TMEM135: variants seen among roughly 807,000 people sequenced by gnomAD.
TMEM135 encodes transmembrane protein 135.
A neutral mutation model predicts 60.3 loss-of-function variants in TMEM135; 30 were observed. The ratio of observed to expected loss-of-function variants is 0.50; its 90% confidence interval spans 0.37 to 0.68. The LOEUF (loss-of-function observed/expected upper bound fraction) is 0.68. Ranked by LOEUF, TMEM135 falls within the 30% of genes least tolerant of loss-of-function variation. The pLI, the probability that TMEM135 is intolerant of heterozygous loss-of-function variation, is 0.00. For synonymous variants in TMEM135, 190 were observed against 186.7 expected (o/e 1.02, Z -0.14); for missense variants, 468 against 548.8 (o/e 0.85, Z 1.47).
At chr11:87,214,475 ATCTT>A (rs1940454189) in intron 5 of TMEM135, among the ~76,000 whole-genome samples, 1 of 152,184 alleles carries the variant, frequency 6.6e-6, no homozygotes, top group Non-Finnish European at 1.5e-5. Context: ...GGGAAGTTAC[ATCTT>A]TTTAGGCTGT....
chr11:87,248,366 A>G (rs1227230944), intron 6 of TMEM135, among the ~76,000 whole-genome samples: 2 of 152,110 alleles, frequency 1.3e-5, no homozygotes, highest in Non-Finnish European at 2.9e-5. Flanking sequence ...AGCATTTGTT[A>G]TTGCTTGTCT....
intron 3 of TMEM135, among the ~76,000 whole-genome samples, chr11:87,086,957 C>T (rs2512381): frequency 0.55 from 82,941 of 151,914 alleles, 23,405 homozygotes; most frequent in East Asian, 0.7. Flanking sequence ...AGGTTAAGGA[C>T]GATGACCAGT....
Position 87,321,133 on chromosome 11 carries a change from A to G in TMEM135, c.1245-68A>G, listed in dbSNP as rs1297947858. On this transcript the variant is annotated intron_variant, in intron 14 of 14. Transcript: ENST00000305494. The stretch of plus-strand genomic sequence containing the variant: ...TTTCCCATCCCACATAAGATAAGTC[A>G]ACTAAAATGAATTATTTTATTTTAT... 7.8e-6 allele frequency: 11 copies of G among 1,405,964 alleles called. No individual in the cohort carries two copies. The Admixed American group carries it at 1.0e-4, about 13-fold the overall frequency. 87.1% of individuals were successfully genotyped at this position (1,405,964 alleles called of 1,614,324 possible).
intron 4 of TMEM135, among the ~76,000 whole-genome samples, chr11:87,134,267 C>T (rs1439702272): frequency 6.6e-6 from 1 of 152,126 alleles, no homozygotes; most frequent in Non-Finnish European, 1.5e-5. Context: ...ATATTTTCTT[C>T]CTGTAAGGAT....
intron 6 of TMEM135, among the ~76,000 whole-genome samples, chr11:87,246,087 A>G (rs948395939): frequency 4.3e-5 from 6 of 139,254 alleles, no homozygotes; most frequent in Non-Finnish European, 7.8e-5. Flanking sequence ...TCTGTAAAGT[A>G]TTTTATTTCT....
chr11:87,287,725 T>A (rs1459755963), intron 6 of TMEM135, among the ~76,000 whole-genome samples: 1 of 152,210 alleles, frequency 6.6e-6, no homozygotes, highest in Non-Finnish European at 1.5e-5. Flanking sequence ...ATGTATTTTT[T>A]ATCATTATAG....
At chr11:87,090,670 T>C (rs549672686) in intron 3 of TMEM135, among the ~76,000 whole-genome samples, 2 of 152,256 alleles carry the variant, frequency 1.3e-5, no homozygotes, top group Non-Finnish European at 2.9e-5. Flanking sequence ...TCATTTCTCA[T>C]ATGCAGTATA....
At chr11:87,212,829 A>AGGGTTTTGCGGTGTTGCCC (rs1940405842) in intron 5 of TMEM135, among the ~76,000 whole-genome samples, 1 of 151,164 alleles carries the variant, frequency 6.6e-6, no homozygotes, top group East Asian at 1.9e-4. Flanking sequence ...TTTTGGAAAA[A>AGGGTTTTGCGGTGTTGCCC]AAAAAAAAAA....
chr11:87,087,011 G>A (rs1416850926), intron 3 of TMEM135, among the ~76,000 whole-genome samples: 1 of 152,122 alleles, frequency 6.6e-6, no homozygotes, highest in Non-Finnish European at 1.5e-5. Context: ...TGGGAAAATG[G>A]CAGTCATGTC....
rs1177565245 is a variant in TMEM135, at chr11:87,321,974, C to T, written c.*641C>T. On this transcript the variant is annotated 3_prime_UTR_variant, in exon 15 of 15. Transcript: ENST00000305494. ...TTTTTTTCAACTAATAACATCATCT[C>T]TCTTCATGACCAGTTAATTGGGCTA... 2 of 454,278 alleles carry T rather than the reference C, an allele frequency of 4.4e-6. No individual in the cohort carries two copies. Among genetic ancestry groups the T allele is most frequent in the African/African-American group, 4.0e-5 (2 of 49,976 alleles). 28.1% of individuals were successfully genotyped at this position (454,278 alleles called of 1,614,324 possible).
chr11:87,210,553 C>T lies in TMEM135; in HGVS notation c.463-26085C>T, dbSNP rs138850435. 1.9e-3 allele frequency among the ~76,000 whole-genome samples: 292 copies of T among 152,170 alleles called. 1 individual carries two copies. The highest frequency in any genetic ancestry group is 6.7e-3 in the African/African-American group (277 of 41,532). On this transcript the variant is annotated intron_variant, in intron 5 of 14. Coordinates refer to ENST00000305494, the MANE Select transcript of TMEM135 (RefSeq NM_022918.4). ...TTACTGACCAACAAAAGCCCTGGAC[C>T]AGATTGACTCACAGGTAAATTCTAT...
At chr11:87,107,836 C>T (rs1857637970) in intron 4 of TMEM135, among the ~76,000 whole-genome samples, 1 of 152,202 alleles carries the variant, frequency 6.6e-6, no homozygotes, top group South Asian at 2.1e-4. Context: ...GGAATCACCA[C>T]ACTATCTTCC....
intron 5 of TMEM135, among the ~76,000 whole-genome samples, chr11:87,170,232 T>C (rs1939196521): frequency 6.6e-6 from 1 of 152,204 alleles, no homozygotes; most frequent in Non-Finnish European, 1.5e-5. Flanking sequence ...GGTTAGAACA[T>C]GCTTCTTTAC....
intron 4 of TMEM135, among the ~76,000 whole-genome samples, chr11:87,109,576 T>G (rs1045109315): frequency 6.6e-6 from 1 of 152,204 alleles, no homozygotes; most frequent in Admixed American, 6.5e-5. Flanking sequence ...TTAAAACTTA[T>G]GAGCTGTTTA....
intron 6 of TMEM135, among the ~76,000 whole-genome samples, chr11:87,276,970 C>CT (rs1242431273): frequency 2.7e-5 from 4 of 146,610 alleles, no homozygotes; most frequent in African/African-American, 4.9e-5. Flanking sequence ...CTTTACCTGG[C>CT]TTTTTTTTAA....
chr11:87,048,080 T>G (rs1949815542), intron 1 of TMEM135, among the ~76,000 whole-genome samples: 1 of 57,508 alleles, frequency 1.7e-5, no homozygotes, highest in Non-Finnish European at 2.8e-5. Flanking sequence ...GGCAGGGTAT[T>G]CCAACAGACC....
intron 5 of TMEM135, among the ~76,000 whole-genome samples, chr11:87,177,789 T>C (rs1336268266): frequency 2.0e-5 from 3 of 152,148 alleles, no homozygotes; most frequent in Admixed American, 6.6e-5. Context: ...AGAAGACTGC[T>C]CTCAATTCAG....
intron 6 of TMEM135, among the ~76,000 whole-genome samples, chr11:87,291,515 A>ATTTTTTTTTTTT (rs869273724): frequency 2.0e-5 from 1 of 50,532 alleles, no homozygotes; most frequent in Non-Finnish European, 3.5e-5. Context: ...CAGCCAAGTG[A>ATTTTTTTTTTTT]TTTTTTTTTT....
Position 87,321,425 on chromosome 11 carries a change from A to G in TMEM135, c.*92A>G. On this transcript the variant is annotated 3_prime_UTR_variant, in exon 15 of 15. Transcript: ENST00000305494. ...AGGAGGGGGCCCAAGCTCGAACTTC[A>G]GTGTTATTTCAGTTAGAGATACTCT... 7.3e-7 allele frequency: 1 copy of G among 1,374,224 alleles called. No individual in the cohort carries two copies. Among genetic ancestry groups the G allele is most frequent in the Admixed American group, 1.7e-5 (1 of 59,342 alleles). The allele number at this position is 1,374,224 out of a possible 1,614,324, so 85.1% of individuals were successfully genotyped here.
Sources: allele counts gnomAD v4.1 joint callset (sites outside exome capture counted in the v4.1 genomes callset), GRCh38; gene constraint gnomAD v4.1.1; transcripts MANE v1.5; gene names NCBI Gene and HGNC (gene_info 2026-07-23, HGNC 2026-07-21).